The following BCL2L2 variants were observed in gnomAD, a reference collection of about 807,000 sequenced individuals.
BCL2L2 encodes the protein BCL2 like 2, also known as bcl-2-like protein 2.
Under a neutral mutation model 14.6 loss-of-function variants are expected in BCL2L2, and 6 were observed. The observed-to-expected ratio is 0.41, with a 90% confidence interval of 0.22 to 0.81. The LOEUF (loss-of-function observed/expected upper bound fraction) is 0.81, where lower values mean the gene tolerates loss of function less well. BCL2L2 is among the 30% of genes least tolerant of loss of function. BCL2L2 has a pLI of 0.32. For synonymous variants in BCL2L2, 90 were observed against 108.5 expected (o/e 0.83, Z 1.06); for missense variants, 191 against 260.5 (o/e 0.73, Z 1.84).
Position 23,311,220 on chromosome 14 carries a change from C to G in BCL2L2, c.*2255C>G. ...GGCAATTTTGACCTGTCCTGCCCTT[C>G]TTAGCTTGAAGGGAAACCCCAGAGA... On this transcript the variant is annotated 3_prime_UTR_variant, in exon 4 of 4. Coordinates refer to ENST00000250405, the MANE Select transcript of BCL2L2 (RefSeq NM_004050.5). The G allele has an allele frequency of 8.1e-7, 1 of 1,240,172 alleles. No homozygotes were observed. The highest frequency in any genetic ancestry group is 1.0e-6 in the Non-Finnish European group (1 of 972,156). The allele number at this position is 1,240,172 out of a possible 1,614,324, so 76.8% of individuals were successfully genotyped here.
chr14:23,310,232 T>C lies in BCL2L2; in HGVS notation c.*1267T>C. 1 of 985,924 alleles carries C rather than the reference T, an allele frequency of 1.0e-6. No individual in the cohort carries two copies. Among genetic ancestry groups the C allele is most frequent in the Non-Finnish European group, 1.2e-6 (1 of 829,970 alleles). 61.1% of individuals were successfully genotyped at this position (985,924 alleles called of 1,614,324 possible). Reference sequence around the variant, plus strand: ...CCTCAGAGTCTGAGGATGTTAACTTTGGAACTCGCAGTCCTCTAGAACAGC... The same window carrying C: ...CCTCAGAGTCTGAGGATGTTAACTTCGGAACTCGCAGTCCTCTAGAACAGC... On this transcript the variant is annotated 3_prime_UTR_variant, in exon 4 of 4. Coordinates refer to ENST00000250405, the MANE Select transcript of BCL2L2 (RefSeq NM_004050.5).
chr14:23,306,979 T>C (rs1887259838), intron 1 of BCL2L2, 85 bp downstream of exon 1: 1 of 152,614 alleles, frequency 6.6e-6, no homozygotes. Context: ...TGGGCTGCAC[T>C]AGGGGGAACC....
Position 23,310,787 on chromosome 14 carries a change from G to C in BCL2L2, c.*1822G>C. On this transcript the variant is annotated 3_prime_UTR_variant, in exon 4 of 4. Transcript: ENST00000250405. ...CTCAGGAGTCCTTGGGGAGATGAAG[G>C]GGGTGGGGAGCTGAGCAGGCTGGGC... The C allele has an allele frequency of 4.2e-6, 5 of 1,196,794 alleles. No homozygotes were observed. In the South Asian group the frequency reaches 4.5e-5, roughly 11 times the overall value. The allele number at this position is 1,196,794 out of a possible 1,614,324, so 74.1% of individuals were successfully genotyped here.
At position 23,310,177 on chromosome 14, in the gene BCL2L2, C is replaced by T. The variant is rs1000946613; in HGVS notation, c.*1212C>T. ...AGCATTTATGATTTATTTGAAGCCA[C>T]ACTGTTTGCATGGGTGTTACTTGTC... On this transcript the variant is annotated 3_prime_UTR_variant, in exon 4 of 4. Transcript: ENST00000250405. The T allele has an allele frequency of 3.0e-6, 3 of 985,864 alleles. No individual in the cohort carries two copies. The highest frequency in any genetic ancestry group is 1.1e-4 in the East Asian group (1 of 8,820). The allele number at this position is 985,864 out of a possible 1,614,324, so 61.1% of individuals were successfully genotyped here.
chr14:23,311,258 G>A lies in BCL2L2; in HGVS notation c.*2293G>A, dbSNP rs1378040387. 1 of 1,204,792 alleles carries A rather than the reference G, an allele frequency of 8.3e-7. No individual in the cohort carries two copies. Among genetic ancestry groups the A allele is most frequent in the Admixed American group, 3.8e-5 (1 of 26,630 alleles). 74.6% of individuals were successfully genotyped at this position (1,204,792 alleles called of 1,614,324 possible). A position where few individuals can be genotyped will look rare whatever the true frequency, so the allele number is the denominator to read the frequency against. On this transcript the variant is annotated 3_prime_UTR_variant, in exon 4 of 4. Transcript: ENST00000250405. Reference sequence around the variant, plus strand: ...GAAACCCCAGAGACTCTTCTGTCAGGGAAAACTAGGGACTCTCTTCTAGAG... The same window carrying A: ...GAAACCCCAGAGACTCTTCTGTCAGAGAAAACTAGGGACTCTCTTCTAGAG...
Position 23,309,449 on chromosome 14 carries a change from G to A in BCL2L2, c.*484G>A, listed in dbSNP as rs936242738. 5.1e-6 allele frequency: 5 copies of A among 987,642 alleles called. No homozygotes were observed. Among genetic ancestry groups the A allele is most frequent in the African/African-American group, 3.5e-5 (2 of 57,330 alleles). The allele number at this position is 987,642 out of a possible 1,614,324, so 61.2% of individuals were successfully genotyped here. On this transcript the variant is annotated 3_prime_UTR_variant, in exon 4 of 4. Transcript: ENST00000250405. ...GACACGCGTGTGCATGTGCACGCAT[G>A]CTGGTGTGCATGCTGGGCTGCCTGG...
Position 23,308,915 on chromosome 14 carries a change from G to A in BCL2L2, c.532G>A (p.Val178Met), listed in dbSNP as rs41317322. 2.0e-5 allele frequency: 27 copies of A among 1,321,572 alleles called. No homozygotes were observed. Among genetic ancestry groups the A allele is most frequent in the Middle Eastern group, 2.0e-4 (1 of 4,938 alleles). The allele number at this position is 1,321,572 out of a possible 1,614,324, so 81.9% of individuals were successfully genotyped here. A position where few individuals can be genotyped will look rare whatever the true frequency, so the allele number is the denominator to read the frequency against. Residue 178 changes from valine to methionine, a missense_variant, in exon 4 of 4, where the codon GTG (valine) becomes ATG (methionine). Coordinates refer to ENST00000250405, the MANE Select transcript of BCL2L2 (RefSeq NM_004050.5). The surrounding 1 kb of genome is among the most constrained non-coding windows in gnomAD (Gnocchi z 5.4). ...ASVRTVLTGA[V>M]ALGALVTVGA... is the part of the protein sequence containing the mutation. The stretch of plus-strand genomic sequence containing the variant: ...AGTGAGGACAGTGCTGACGGGGGCC[G>A]TGGCACTGGGGGCCCTGGTAACTGT...
chr14:23,308,438 G>T lies in BCL2L2; in HGVS notation c.432+239G>T, dbSNP rs1887393022. On this transcript the variant is annotated intron_variant, in intron 3 of 3. Coordinates refer to ENST00000250405, the MANE Select transcript of BCL2L2 (RefSeq NM_004050.5). This position sits in a 1 kb window ranked among gnomAD's most constrained non-coding sequence, Gnocchi z 5.4. ...AGCAGAGGACAGAATACACACCCAAGGAGTGCCTGCAGGGGAATGTTGTCA... is the reference window on the plus strand; with the variant it reads ...AGCAGAGGACAGAATACACACCCAATGAGTGCCTGCAGGGGAATGTTGTCA... Among the ~76,000 whole-genome samples the T allele has an allele frequency of 6.6e-6, 1 of 152,110 alleles. No homozygotes were observed. Among genetic ancestry groups the T allele is most frequent in the Non-Finnish European group, 1.5e-5 (1 of 68,016 alleles).
Position 23,311,722 on chromosome 14 carries a change from A to G in BCL2L2, c.*2757A>G. 1 of 960,724 alleles carries G rather than the reference A, an allele frequency of 1.0e-6. No homozygotes were observed. The highest frequency in any genetic ancestry group is 1.2e-6 in the Non-Finnish European group (1 of 807,520). 59.5% of individuals were successfully genotyped at this position (960,724 alleles called of 1,614,324 possible). A position where few individuals can be genotyped will look rare whatever the true frequency, so the allele number is the denominator to read the frequency against. ...AATATGTAATGATCGTATTAAAAAC[A>G]ATAAATAAAGCCCAGAAGTTTAATG... is the stretch of plus-strand genomic sequence containing the variant. On this transcript the variant is annotated 3_prime_UTR_variant, in exon 4 of 4. Coordinates refer to ENST00000250405, the MANE Select transcript of BCL2L2 (RefSeq NM_004050.5).
Position 23,311,430 on chromosome 14 carries a change from T to G in BCL2L2, c.*2465T>G, listed in dbSNP as rs1164543604. 2 of 1,071,456 alleles carry G rather than the reference T, an allele frequency of 1.9e-6. No homozygotes were observed. The highest frequency in any genetic ancestry group is 1.1e-6 in the Non-Finnish European group (1 of 883,084). 66.4% of individuals were successfully genotyped at this position (1,071,456 alleles called of 1,614,324 possible). ...AAGTAGGAGGAGAGGGGTTTCTTGC[T>G]CTCCAGAGCCCAAAGGGACAAATAG... On this transcript the variant is annotated 3_prime_UTR_variant, in exon 4 of 4. Transcript: ENST00000250405.
At position 23,311,005 on chromosome 14, in the gene BCL2L2, C is replaced by T. The variant is rs1330819006; in HGVS notation, c.*2040C>T. ...GCACACTCTTCACCCTACCCTCTACCACAGGACACATATCCCTGTTAGCAT... is the reference window on the plus strand; with the variant it reads ...GCACACTCTTCACCCTACCCTCTACTACAGGACACATATCCCTGTTAGCAT... On this transcript the variant is annotated 3_prime_UTR_variant, in exon 4 of 4. Coordinates refer to ENST00000250405, the MANE Select transcript of BCL2L2 (RefSeq NM_004050.5). 4 of 1,289,590 alleles carry T rather than the reference C, an allele frequency of 3.1e-6. No individual in the cohort carries two copies. The allele number at this position is 1,289,590 out of a possible 1,614,324, so 79.9% of individuals were successfully genotyped here. A position where few individuals can be genotyped will look rare whatever the true frequency, so the allele number is the denominator to read the frequency against.
chr14:23,311,356 T>C lies in BCL2L2; in HGVS notation c.*2391T>C. On this transcript the variant is annotated 3_prime_UTR_variant, in exon 4 of 4. Transcript: ENST00000250405. The stretch of plus-strand genomic sequence containing the variant: ...GTTCCCAATTTTTAAATCCATTTCA[T>C]TTTTTAAAAAATAAGGGAAATAAAT... 9.2e-7 allele frequency: 1 copy of C among 1,086,816 alleles called. No individual in the cohort carries two copies. The highest frequency in any genetic ancestry group is 1.1e-6 in the Non-Finnish European group (1 of 891,416). 67.3% of individuals were successfully genotyped at this position (1,086,816 alleles called of 1,614,324 possible). A position where few individuals can be genotyped will look rare whatever the true frequency, so the allele number is the denominator to read the frequency against.
In BCL2L2 at chr14:23,307,920, T is replaced by G. The variant is rs1887346163; in HGVS notation, c.153T>G (p.Asp51Glu). 6.2e-7 allele frequency: 1 copy of G among 1,613,662 alleles called. No homozygotes were observed. Among genetic ancestry groups the G allele is most frequent in the East Asian group, 2.2e-5 (1 of 44,878 alleles). ...PLHQAMRAAG[D>E]EFETRFRRTF... is the part of the protein sequence containing the mutation. ...ACCAAGCCATGCGGGCAGCTGGAGA[T>G]GAGTTCGAGACCCGCTTCCGGCGCA... Residue 51 changes from aspartate (D) to glutamate (E), a missense_variant, in exon 3 of 4, where the codon GAT becomes GAG. Transcript: ENST00000250405.
rs1021985002 is a variant in BCL2L2, at chr14:23,307,261, G to A, written c.-27G>A. On this transcript the variant is annotated 5_prime_UTR_variant, in exon 2 of 4. Coordinates refer to ENST00000250405, the MANE Select transcript of BCL2L2 (RefSeq NM_004050.5). ...CCTTGCCACCAGTGCTGTGTCTTAA[G>A]AGCTGCCATCCCGGCTGGGTGAGTG... The A allele has an allele frequency of 2.0e-5, 3 of 152,796 alleles. No homozygotes were observed. Among genetic ancestry groups the A allele is most frequent in the African/African-American group, 7.2e-5 (3 of 41,472 alleles). The allele number at this position is 152,796 out of a possible 1,614,324, so 9.5% of individuals were successfully genotyped here.
chr14:23,310,860 T>TTGGGG lies in BCL2L2; in HGVS notation c.*1895_*1896insTGGGG. ...CTCCCCTTGTAGCTGTCTTACATAT[T>TTGGGG]GGGGTTCAGGGTAAGATTTTATTTG... On this transcript the variant is annotated 3_prime_UTR_variant, in exon 4 of 4. Coordinates refer to ENST00000250405, the MANE Select transcript of BCL2L2 (RefSeq NM_004050.5). The TTGGGG allele has an allele frequency of 7.9e-7, 1 of 1,263,988 alleles. No homozygotes were observed. The allele number at this position is 1,263,988 out of a possible 1,614,324, so 78.3% of individuals were successfully genotyped here.
At position 23,309,845 on chromosome 14, in the gene BCL2L2, G is replaced by A. The variant is rs1244796528; in HGVS notation, c.*880G>A. On this transcript the variant is annotated 3_prime_UTR_variant, in exon 4 of 4. Coordinates refer to ENST00000250405, the MANE Select transcript of BCL2L2 (RefSeq NM_004050.5). ...CCTGCCACCCTCCTCTCCCACTCAG[G>A]CACAATGGTGCCTAAAGTGTTTCCA... 4 of 985,450 alleles carry A rather than the reference G, an allele frequency of 4.1e-6. No homozygotes were observed. The East Asian group carries it at 4.5e-4, about 112-fold the overall frequency. The allele number at this position is 985,450 out of a possible 1,614,324, so 61.0% of individuals were successfully genotyped here.
chr14:23,308,741 CCTCTT>C lies in BCL2L2; in HGVS notation c.433-70_433-66del, dbSNP rs1887416847. ...TGGATGGAACTGGAACTCTTCCTCT[CCTCTT>C]CTCTCCACTCTTTCCTCTCCTGATA... is the stretch of plus-strand genomic sequence containing the variant. On this transcript the variant is annotated intron_variant, in intron 3 of 3. Transcript: ENST00000250405. This position sits in a 1 kb window ranked among gnomAD's most constrained non-coding sequence, Gnocchi z 5.4. 6.7e-6 allele frequency: 8 copies of C among 1,188,868 alleles called. No homozygotes were observed. Among genetic ancestry groups the C allele is most frequent in the Non-Finnish European group, 7.7e-6 (7 of 907,772 alleles). The allele number at this position is 1,188,868 out of a possible 1,614,324, so 73.6% of individuals were successfully genotyped here. A position where few individuals can be genotyped will look rare whatever the true frequency, so the allele number is the denominator to read the frequency against.
chr14:23,308,102 A>G lies in BCL2L2; in HGVS notation c.335A>G (p.Asn112Ser), dbSNP rs774360528. 16 of 1,613,888 alleles carry G rather than the reference A, an allele frequency of 9.9e-6. No individual in the cohort carries two copies. In the East Asian group the frequency reaches 3.6e-4, roughly 36 times the overall value. The change falls in exon 3 of 4, where the codon AAC becomes AGC. Residue 112 changes from asparagine to serine, a missense_variant. By Grantham distance (46) the Asn-to-Ser change is conservative. Coordinates refer to ENST00000250405, the MANE Select transcript of BCL2L2 (RefSeq NM_004050.5). The surrounding 1 kb of genome is among the most constrained non-coding windows in gnomAD (Gnocchi z 5.4). Reference protein sequence around the residue: ...FGAALCAESVNKEMEPLVGQV... With the variant: ...FGAALCAESVSKEMEPLVGQV... The stretch of plus-strand genomic sequence containing the variant: ...GCTGCACTGTGTGCTGAGAGTGTCA[A>G]CAAGGAGATGGAACCACTGGTGGGA...
Position 23,309,604 on chromosome 14 carries a change from T to C in BCL2L2, c.*639T>C. On this transcript the variant is annotated 3_prime_UTR_variant, in exon 4 of 4. Transcript: ENST00000250405. ...TGCCCTTGTCCTGATGCCTCAAGGC[T>C]TAGAGAGAAACATTGTATCCAGACC... 2.0e-6 allele frequency: 2 copies of C among 985,556 alleles called. No homozygotes were observed. The highest frequency in any genetic ancestry group is 3.5e-5 in the African/African-American group (2 of 57,362). 61.1% of individuals were successfully genotyped at this position (985,556 alleles called of 1,614,324 possible).
Sources: gnomAD v4.1 joint callset for allele counts (sites outside exome capture counted in the v4.1 genomes callset) on GRCh38, gnomAD v4.1.1 for gene constraint, Gnocchi (gnomAD v3.1) non-coding constraint, MANE v1.5 for transcripts, NCBI Gene and HGNC (gene_info 2026-07-23, HGNC 2026-07-21) for gene names.